The following BSPRY variants were observed in gnomAD, a reference collection of about 807,000 sequenced individuals.
The protein encoded by BSPRY is B-box and SPRY domain containing.
A neutral mutation model predicts 38.0 loss-of-function variants in BSPRY; 33 were observed. The ratio of observed to expected loss-of-function variants is 0.87; its 90% CI spans 0.66 to 1.16. BSPRY has a LOEUF of 1.16. Among genes scored for constraint, BSPRY ranks in the 50% most tolerant of loss-of-function variants. BSPRY has a pLI of 0.00. For missense variants in BSPRY, 523 were observed against 533.2 expected (o/e 0.98, Z 0.19); for synonymous variants, 224 against 228.5 (o/e 0.98, Z 0.18).
chr9:113,362,330 A>G, intron 3 of BSPRY, 39 bp from the exon 4 acceptor site: 1 of 1,612,392 alleles, frequency 6.2e-7, no homozygotes, highest in Non-Finnish European at 8.5e-7. Context: ...CCTGCTGGGT[A>G]TCTGGTGCCA....
chr9:113,361,064 C>T (rs929485345), intron 3 of BSPRY, among the ~76,000 whole-genome samples: 3 of 152,162 alleles, frequency 2.0e-5, no homozygotes, highest in African/African-American at 7.2e-5. Context: ...TGTCTGATCA[C>T]TGTGTTCTGT....
chr9:113,354,241 A>G lies in BSPRY; in HGVS notation c.203A>G (p.Asn68Ser). The change falls in exon 2 of 6, where the codon AAC (asparagine) becomes AGC (serine). Residue 68 changes from asparagine to serine, a missense_variant and splice_region_variant. Transcript: ENST00000374183. ...RAEERAEELRNKIVDQCERLQ... is the reference protein window; with the variant it reads ...RAEERAEELRSKIVDQCERLQ... The stretch of plus-strand genomic sequence containing the variant: ...CCACAAGCGTTGTTTGTGTTGCAGA[A>G]CAAGATTGTGGACCAGTGTGAGAGG... 6.2e-7 allele frequency: 1 copy of G among 1,613,790 alleles called. No homozygotes were observed. Among genetic ancestry groups the G allele is most frequent in the Non-Finnish European group, 8.5e-7 (1 of 1,179,664 alleles).
intron 2 of BSPRY, among the ~76,000 whole-genome samples, chr9:113,355,015 G>A (rs1433648270): frequency 1.3e-5 from 2 of 152,104 alleles, no homozygotes; most frequent in African/African-American, 4.8e-5. Flanking sequence ...GCCACCATGA[G>A]TGGCTAACTT....
At chr9:113,363,219 G>A (rs574341678) in intron 4 of BSPRY, among the ~76,000 whole-genome samples, 136 of 152,308 alleles carry the variant, frequency 8.9e-4, no homozygotes, top group African/African-American at 3.0e-3. Context: ...GCCAAGGCAG[G>A]ATGGTAGCTT....
chr9:113,350,199 A>C (rs1833950277), intron 1 of BSPRY, among the ~76,000 whole-genome samples: 1 of 152,152 alleles, frequency 6.6e-6, no homozygotes. Flanking sequence ...TCCAGTTCTC[A>C]GCGCAGGGTG....
At chr9:113,366,609 G>A (rs1156694423) in intron 4 of BSPRY, among the ~76,000 whole-genome samples, 1 of 152,234 alleles carries the variant, frequency 6.6e-6, no homozygotes, top group African/African-American at 2.4e-5. Context: ...AGCCCGGGTG[G>A]TTCGCTGTAG....
chr9:113,368,450 T>G, intron 5 of BSPRY, 67 bp downstream of exon 5: 1 of 1,565,382 alleles, frequency 6.4e-7, no homozygotes, highest in Non-Finnish European at 8.7e-7. Flanking sequence ...TGGGGTTCAC[T>G]CCTGGTTCAC....
chr9:113,360,132 C>G (rs1834124422), intron 2 of BSPRY, among the ~76,000 whole-genome samples: 1 of 152,148 alleles, frequency 6.6e-6, no homozygotes, highest in African/African-American at 2.4e-5. Context: ...ATGGGGATGA[C>G]TTTTTAGGCC....
intron 3 of BSPRY, among the ~76,000 whole-genome samples, 191 bp from the exon 4 acceptor site, chr9:113,362,178 T>G (rs202192862): frequency 2.1e-4 from 19 of 89,956 alleles, no homozygotes; most frequent in East Asian, 1.6e-3. Flanking sequence ...GTTATGGGTG[T>G]GTGTGTGTGT....
chr9:113,362,909 T>C (rs1288468746), intron 4 of BSPRY, among the ~76,000 whole-genome samples: 3 of 152,200 alleles, frequency 2.0e-5, no homozygotes, highest in Non-Finnish European at 4.4e-5. Context: ...GCCTGAGTTC[T>C]AAAAGAGCTG....
At chr9:113,366,395 G>A (rs922378319) in intron 4 of BSPRY, among the ~76,000 whole-genome samples, 3 of 152,160 alleles carry the variant, frequency 2.0e-5, no homozygotes, top group Non-Finnish European at 1.5e-5. Context: ...CCATCTAGCC[G>A]GAAACTCACT....
intron 4 of BSPRY, among the ~76,000 whole-genome samples, chr9:113,364,405 T>A (rs1834210689): frequency 6.6e-6 from 1 of 152,306 alleles, no homozygotes; most frequent in South Asian, 2.1e-4. Flanking sequence ...GTACAATCTT[T>A]TCACACTTCT....
rs762907045 is a variant in BSPRY, at chr9:113,370,270, CT to C, written c.*131del. 1 of 1,137,860 alleles carries C rather than the reference CT, an allele frequency of 8.8e-7. No homozygotes were observed. The highest frequency in any genetic ancestry group is 1.2e-6 in the Non-Finnish European group (1 of 821,488). The allele number at this position is 1,137,860 out of a possible 1,614,324, so 70.5% of individuals were successfully genotyped here. ...AACAGGGCCCATAACCAGTGGGCAG[CT>C]TTAGGAGGGATGGGGATCTGTTTCA... is the stretch of plus-strand genomic sequence containing the variant. On this transcript the variant is annotated 3_prime_UTR_variant, in exon 6 of 6. Coordinates refer to ENST00000374183, the MANE Select transcript of BSPRY (RefSeq NM_017688.3). The surrounding 1 kb of genome is among the most constrained non-coding windows in gnomAD (Gnocchi z 4.8).
chr9:113,368,177 T>A, intron 4 of BSPRY, 82 bp from the exon 5 acceptor site: 1 of 1,544,578 alleles, frequency 6.5e-7, no homozygotes. Flanking sequence ...ATTTTACTTC[T>A]GTTCTTCTCT....
chr9:113,354,834 T>G (rs1294991598), intron 2 of BSPRY, among the ~76,000 whole-genome samples: 1 of 152,118 alleles, frequency 6.6e-6, no homozygotes, highest in African/African-American at 2.4e-5. Context: ...TAGTGCTCCT[T>G]CTGCTGCATC....
intron 3 of BSPRY, among the ~76,000 whole-genome samples, chr9:113,361,736 A>G (rs1028644104): frequency 1.3e-5 from 2 of 152,202 alleles, no homozygotes; most frequent in Admixed American, 1.3e-4. Context: ...CGATATGAAA[A>G]CACAGAGCTC....
intron 4 of BSPRY, among the ~76,000 whole-genome samples, chr9:113,366,270 A>G (rs1834249743): frequency 6.6e-6 from 1 of 152,238 alleles, no homozygotes; most frequent in African/African-American, 2.4e-5. Flanking sequence ...AGCATTGCTA[A>G]GCCCATACTA....
At chr9:113,365,401 CT>C (rs1364417515) in intron 4 of BSPRY, among the ~76,000 whole-genome samples, 1 of 152,196 alleles carries the variant, frequency 6.6e-6, no homozygotes, top group Non-Finnish European at 1.5e-5. Context: ...TAATCTGTCA[CT>C]GTTATTACTA....
chr9:113,363,003 C>T (rs963177108), intron 4 of BSPRY, among the ~76,000 whole-genome samples: 1 of 152,150 alleles, frequency 6.6e-6, no homozygotes, highest in Non-Finnish European at 1.5e-5. Context: ...CAGAGTTATA[C>T]TTAGGGAACA....
Sources: allele counts gnomAD v4.1 joint callset (sites outside exome capture counted in the v4.1 genomes callset), GRCh38; gene constraint gnomAD v4.1.1; non-coding constraint Gnocchi (gnomAD v3.1); transcripts MANE v1.5; gene names NCBI Gene and HGNC (gene_info 2026-07-23, HGNC 2026-07-21).